CDKAL1: variants seen among roughly 807,000 people sequenced by gnomAD.
CDKAL1 encodes the protein CDKAL1 threonylcarbamoyladenosine tRNA methylthiotransferase, also known as threonylcarbamoyladenosine tRNA methylthiotransferase.
Under a neutral mutation model 68.2 loss-of-function variants are expected in CDKAL1, and 32 were observed. That is an observed-to-expected ratio of 0.47 (90% CI 0.35 to 0.63). The LOEUF is 0.63. CDKAL1 is among the 30% of genes least tolerant of loss of function. CDKAL1 has a pLI of 0.00. For synonymous variants in CDKAL1, 234 were observed against 244.3 expected (o/e 0.96, Z 0.39); for missense variants, 606 against 696.7 (o/e 0.87, Z 1.47).
chr6:20,982,529 G>C (rs1454252179), intron 10 of CDKAL1, among the ~76,000 whole-genome samples: 1 of 151,090 alleles, frequency 6.6e-6, no homozygotes. Flanking sequence ...AACACAAAGA[G>C]AGCACTGCAA....
intron 9 of CDKAL1, among the ~76,000 whole-genome samples, chr6:20,856,425 A>T (rs970340363): frequency 3.5e-4 from 54 of 152,326 alleles, no homozygotes; most frequent in African/African-American, 1.2e-3. Context: ...GTTCCAGCAC[A>T]ATTGAATGCT....
chr6:20,960,196 A>C (rs947651022), intron 10 of CDKAL1, among the ~76,000 whole-genome samples: 13 of 152,066 alleles, frequency 8.5e-5, no homozygotes, highest in Admixed American at 3.9e-4. Flanking sequence ...AGGTGTGATC[A>C]TAGCGCTCTA....
At chr6:20,841,061 C>A (rs7765060) in intron 8 of CDKAL1, among the ~76,000 whole-genome samples, 4 of 152,110 alleles carry the variant, frequency 2.6e-5, no homozygotes, top group Admixed American at 6.5e-5. Flanking sequence ...TCTCGAATTC[C>A]TGAGCTCAAG....
chr6:20,899,675 T>A (rs2150595101), intron 9 of CDKAL1, among the ~76,000 whole-genome samples: 1 of 152,128 alleles, frequency 6.6e-6, no homozygotes, highest in South Asian at 2.1e-4. Flanking sequence ...AAAAACCATT[T>A]CTACTGAAAA....
intron 12 of CDKAL1, among the ~76,000 whole-genome samples, chr6:21,094,283 A>C (rs1162845794): frequency 6.6e-6 from 1 of 152,192 alleles, no homozygotes; most frequent in African/African-American, 2.4e-5. Context: ...ACTTGGCAAT[A>C]TGGAGGTAAA....
intron 4 of CDKAL1, among the ~76,000 whole-genome samples, chr6:20,640,137 GGACTT>G (rs1768103370): frequency 1.3e-5 from 2 of 152,268 alleles, no homozygotes; most frequent in South Asian, 4.1e-4. Flanking sequence ...TAAAATGTTT[GGACTT>G]GACTTGTCTT....
intron 13 of CDKAL1, among the ~76,000 whole-genome samples, chr6:21,169,321 A>T (rs1777280155): frequency 6.6e-6 from 1 of 152,242 alleles, no homozygotes; most frequent in Non-Finnish European, 1.5e-5. Context: ...TTCTGACAAG[A>T]TGAAAAAGTG....
chr6:20,917,986 C>T (rs762362198), intron 9 of CDKAL1, among the ~76,000 whole-genome samples: 3 of 152,168 alleles, frequency 2.0e-5, no homozygotes, highest in Non-Finnish European at 2.9e-5. Context: ...TGGCACATGC[C>T]TGTGGTCCTA....
intron 9 of CDKAL1, among the ~76,000 whole-genome samples, chr6:20,905,638 A>G (rs916720957): frequency 6.6e-6 from 1 of 152,212 alleles, no homozygotes; most frequent in Non-Finnish European, 1.5e-5. Flanking sequence ...ATCGAGACAC[A>G]TTATCATCAA....
intron 11 of CDKAL1, among the ~76,000 whole-genome samples, chr6:21,019,147 C>A (rs1458821453): frequency 6.6e-6 from 1 of 152,088 alleles, no homozygotes; most frequent in Non-Finnish European, 1.5e-5. Flanking sequence ...TGAGGTTTCA[C>A]CACATTGGCC....
intron 9 of CDKAL1, among the ~76,000 whole-genome samples, chr6:20,885,452 A>G (rs1182248164): frequency 6.6e-6 from 1 of 152,220 alleles, no homozygotes; most frequent in Non-Finnish European, 1.5e-5. Context: ...AGATTTCTGC[A>G]TACAAAAGAA....
intron 11 of CDKAL1, among the ~76,000 whole-genome samples, chr6:21,037,677 A>T (rs62403409): frequency 0.15 from 23,428 of 152,162 alleles, 1,951 homozygotes; most frequent in Middle Eastern, 0.23. Flanking sequence ...CTTTCAGTTC[A>T]TTTTAATTTA....
At chr6:20,912,631 A>G (rs766081869) in intron 9 of CDKAL1, among the ~76,000 whole-genome samples, 2 of 152,064 alleles carry the variant, frequency 1.3e-5, no homozygotes, top group Non-Finnish European at 2.9e-5. Context: ...CCTGAGGATC[A>G]ACCTTACTAG....
At chr6:20,886,859 G>A (rs1357690337) in intron 9 of CDKAL1, among the ~76,000 whole-genome samples, 1 of 152,126 alleles carries the variant, frequency 6.6e-6, no homozygotes, top group African/African-American at 2.4e-5. Flanking sequence ...TCCCAGAAAT[G>A]TAAAACAAAA....
chr6:20,995,519 T>A (rs1767055568), intron 10 of CDKAL1, among the ~76,000 whole-genome samples: 1 of 152,204 alleles, frequency 6.6e-6, no homozygotes, highest in African/African-American at 2.4e-5. Flanking sequence ...CCCCATCAGA[T>A]CTCTTAGATG....
At chr6:20,888,624 G>C (rs1761216500) in intron 9 of CDKAL1, among the ~76,000 whole-genome samples, 1 of 144,538 alleles carries the variant, frequency 6.9e-6, no homozygotes. Flanking sequence ...TGAGGTGTTT[G>C]GTTTTTTGTC....
chr6:21,217,861 A>G (rs949242814), intron 15 of CDKAL1, among the ~76,000 whole-genome samples: 1 of 152,164 alleles, frequency 6.6e-6, no homozygotes, highest in Non-Finnish European at 1.5e-5. Flanking sequence ...CGCCTCCAGC[A>G]GTTCTCCTAC....
intron 9 of CDKAL1, among the ~76,000 whole-genome samples, chr6:20,955,097 G>A (rs529602759): frequency 2.0e-4 from 31 of 152,274 alleles, no homozygotes; most frequent in African/African-American, 6.7e-4. Flanking sequence ...CAATAAAATA[G>A]GTATTCTCTG....
intron 13 of CDKAL1, among the ~76,000 whole-genome samples, chr6:21,177,026 C>CA (rs1048659813): frequency 6.6e-6 from 1 of 152,130 alleles, no homozygotes; most frequent in Non-Finnish European, 1.5e-5. Flanking sequence ...GCAATCCTCA[C>CA]AGCCCCCTAA....
Sources: gnomAD v4.1 joint callset for allele counts (sites outside exome capture counted in the v4.1 genomes callset) on GRCh38, gnomAD v4.1.1 for gene constraint, MANE v1.5 for transcripts, NCBI Gene and HGNC (gene_info 2026-07-23, HGNC 2026-07-21) for gene names.